LIFR: variants seen among roughly 807,000 people sequenced by gnomAD.
LIFR encodes LIF receptor subunit alpha, also known as leukemia inhibitory factor receptor.
A neutral mutation model predicts 122.2 loss-of-function variants in LIFR; 84 were observed. That is an observed-to-expected ratio of 0.69 (90% CI 0.58 to 0.82). The LOEUF (loss-of-function observed/expected upper bound fraction) is 0.82, where lower values mean the gene tolerates loss of function less well. Among genes scored for constraint, LIFR ranks in the 40% least tolerant of loss-of-function variants. LIFR has a pLI of 0.00. For synonymous variants in LIFR, 422 were observed against 434.7 expected, an observed-to-expected ratio of 0.97 and a Z score of 0.36; for missense variants, 1,294 against 1,311.6, an observed-to-expected ratio of 0.99 and a Z score of 0.21.
At position 38,506,754 on chromosome 5, in the gene LIFR, T is replaced by A. The variant is rs539686732; in HGVS notation, c.992-122A>T. ...AATGAAATAATTTACTATTTACATT[T>A]TACTTTTGAATAATGCAGGAATTAT... is the stretch of plus-strand genomic sequence containing the variant. On this transcript the variant is annotated intron_variant, in intron 7 of 19. Transcript: ENST00000453190. 286 of 846,464 alleles carry A rather than the reference T, an allele frequency of 3.4e-4. 5 individuals carry two copies. In the South Asian group the frequency reaches 4.3e-3, roughly 13 times the overall value. 52.4% of individuals were successfully genotyped at this position (846,464 alleles called of 1,614,324 possible).
chr5:38,566,008 T>C (rs1270088024), intron 1 of LIFR, among the ~76,000 whole-genome samples: 1 of 152,200 alleles, frequency 6.6e-6, no homozygotes, highest in East Asian at 1.9e-4. Context: ...CTGATGAAGC[T>C]TACGTATTAA....
intron 1 of LIFR, among the ~76,000 whole-genome samples, chr5:38,606,906 C>G (rs1189382051): frequency 6.6e-6 from 1 of 152,132 alleles, no homozygotes; most frequent in Non-Finnish European, 1.5e-5. Flanking sequence ...CATATCATAT[C>G]CAACCTGTGT....
At chr5:38,588,115 T>C (rs1749807051) in intron 1 of LIFR, among the ~76,000 whole-genome samples, 1 of 152,352 alleles carries the variant, frequency 6.6e-6, no homozygotes, top group South Asian at 2.1e-4. Flanking sequence ...CATTCTCTCA[T>C]TAGCAAAATC....
chr5:38,523,329 A>G (rs2112544056), intron 5 of LIFR, 90 bp downstream of exon 5: 1 of 1,054,384 alleles, frequency 9.5e-7, no homozygotes, highest in Non-Finnish European at 1.4e-6. Flanking sequence ...TAAATAATCC[A>G]AAAGTTCACT....
intron 2 of LIFR, among the ~76,000 whole-genome samples, chr5:38,601,569 C>T (rs767245187): frequency 2.6e-5 from 4 of 151,488 alleles, no homozygotes; most frequent in Middle Eastern, 3.4e-3. Context: ...TATAGGGTCA[C>T]GAACAGTACA....
chr5:38,514,202 CAG>C (rs1745954411), intron 5 of LIFR, among the ~76,000 whole-genome samples: 1 of 151,660 alleles, frequency 6.6e-6, no homozygotes, highest in Non-Finnish European at 1.5e-5. Flanking sequence ...TCATGAAGAA[CAG>C]AAGTTCTCAA....
intron 1 of LIFR, among the ~76,000 whole-genome samples, chr5:38,566,849 T>TAA (rs1244151603): frequency 6.6e-6 from 1 of 152,106 alleles, no homozygotes; most frequent in Admixed American, 6.6e-5. Context: ...TGGTAAGTGT[T>TAA]AAAAACCAAT....
Position 38,478,800 on chromosome 5 carries a change from T to G in LIFR, c.*2795A>C, listed in dbSNP as rs535613556. On this transcript the variant is annotated 3_prime_UTR_variant, in exon 20 of 20. Transcript: ENST00000453190. ...GATATGATGGAACATAATGCTAGTT[T>G]GACAATTAGATTTTTCTAACCAATG... 1 of 219,950 alleles carries G rather than the reference T, an allele frequency of 4.5e-6. No homozygotes were observed. The highest frequency in any genetic ancestry group is 1.9e-4 in the South Asian group (1 of 5,384). The allele number at this position is 219,950 out of a possible 1,614,324, so 13.6% of individuals were successfully genotyped here. A position where few individuals can be genotyped will look rare whatever the true frequency, so the allele number is the denominator to read the frequency against.
rs899493173 is a variant in LIFR at position 38,477,097 on chromosome 5, C to T, written c.*4498G>A. 1 of 223,622 alleles carries T rather than the reference C, an allele frequency of 4.5e-6. No homozygotes were observed. Among genetic ancestry groups the T allele is most frequent in the Non-Finnish European group, 8.9e-6 (1 of 112,170 alleles). The allele number at this position is 223,622 out of a possible 1,614,324, so 13.9% of individuals were successfully genotyped here. On this transcript the variant is annotated 3_prime_UTR_variant, in exon 20 of 20. Coordinates refer to ENST00000453190, the MANE Select transcript of LIFR (RefSeq NM_001127671.2). ...TTATTCTTAATCCTTTACACTGGCA[C>T]TAAAAATAGTTCATCTGTAATAAGC...
intron 1 of LIFR, among the ~76,000 whole-genome samples, chr5:38,536,035 T>C (rs1319124926): frequency 6.6e-6 from 1 of 152,234 alleles, no homozygotes; most frequent in Non-Finnish European, 1.5e-5. Context: ...TACATTTTTT[T>C]GTGTGACATC....
At chr5:38,553,581 G>C (rs1229586328) in intron 1 of LIFR, among the ~76,000 whole-genome samples, 1 of 129,624 alleles carries the variant, frequency 7.7e-6, no homozygotes, top group African/African-American at 2.8e-5. Flanking sequence ...TAAAAGGCAA[G>C]AGAATGCCTT....
intron 1 of LIFR, among the ~76,000 whole-genome samples, chr5:38,572,533 T>A (rs1487101229): frequency 6.6e-6 from 1 of 152,172 alleles, no homozygotes; most frequent in African/African-American, 2.4e-5. Flanking sequence ...AAAATCCTTA[T>A]AAAGCACCCC....
At chr5:38,488,851 T>C (rs1292963578) in intron 16 of LIFR, among the ~76,000 whole-genome samples, 1 of 152,234 alleles carries the variant, frequency 6.6e-6, no homozygotes, top group Non-Finnish European at 1.5e-5. Flanking sequence ...ATCAACGGCT[T>C]CAGAATAAAT....
At chr5:38,549,746 G>A (rs1298171277) in intron 1 of LIFR, among the ~76,000 whole-genome samples, 2 of 152,210 alleles carry the variant, frequency 1.3e-5, no homozygotes, top group African/African-American at 2.4e-5. Flanking sequence ...AGCTGAGACT[G>A]CGCCACTGCA....
upstream of LIFR, among the ~76,000 whole-genome samples, chr5:38,560,199 G>A (rs1483398151): frequency 6.6e-6 from 1 of 151,832 alleles, no homozygotes; most frequent in Non-Finnish European, 1.5e-5. Flanking sequence ...TACAAATTAA[G>A]CATAGTTTAT....
At chr5:38,534,078 T>A (rs1478342578) in intron 1 of LIFR, among the ~76,000 whole-genome samples, 2 of 152,156 alleles carry the variant, frequency 1.3e-5, no homozygotes, top group Admixed American at 1.3e-4. Flanking sequence ...GCAAAACAAG[T>A]GCAATCACAC....
chr5:38,508,502 A>C (rs1745615272), intron 7 of LIFR, among the ~76,000 whole-genome samples: 1 of 152,186 alleles, frequency 6.6e-6, no homozygotes. Flanking sequence ...AAACGCCAGC[A>C]GGTTTTGATT....
At chr5:38,531,730 A>G (rs1212820482) in intron 1 of LIFR, among the ~76,000 whole-genome samples, 1 of 152,198 alleles carries the variant, frequency 6.6e-6, no homozygotes, top group Non-Finnish European at 1.5e-5. Context: ...TGATAAAGGA[A>G]AGGAGATCCA....
upstream of LIFR, among the ~76,000 whole-genome samples, chr5:38,559,828 ATCT>A (rs532876353): frequency 2.4e-4 from 37 of 152,332 alleles, no homozygotes; most frequent in Non-Finnish European, 4.7e-4. Flanking sequence ...AACGTCTGTG[ATCT>A]TCTTCCCAGC....
Sources: allele counts gnomAD v4.1 joint callset (sites outside exome capture counted in the v4.1 genomes callset), GRCh38; gene constraint gnomAD v4.1.1; transcripts MANE v1.5; gene names NCBI Gene and HGNC (gene_info 2026-07-23, HGNC 2026-07-21).